PKP1: variants seen among roughly 807,000 people sequenced by gnomAD.
PKP1 encodes plakophilin 1.
A neutral mutation model predicts 76.4 loss-of-function variants in PKP1; 27 were observed. The observed-to-expected ratio is 0.35, with a 90% CI of 0.26 to 0.49. The LOEUF (loss-of-function observed/expected upper bound fraction) is 0.49, where lower values mean the gene tolerates loss of function less well. Among genes scored for constraint, PKP1 ranks in the 20% least tolerant of loss-of-function variants. The probability of loss-of-function intolerance (pLI) is 0.99; values close to 1 mark genes in which losing one functional copy is unlikely to be tolerated. For missense variants in PKP1, 964 were observed against 955.2 expected, an observed-to-expected ratio of 1.01 and a Z score of -0.12; for synonymous variants, 404 against 384.2, an observed-to-expected ratio of 1.05 and a Z score of -0.60.
Position 201,332,437 on chromosome 1 carries a change from G to A in PKP1, c.*2396G>A, listed in dbSNP as rs1446751666. 1 of 152,278 alleles carries A rather than the reference G, an allele frequency of 6.6e-6. No homozygotes were observed. Among genetic ancestry groups the A allele is most frequent in the Non-Finnish European group, 1.5e-5 (1 of 68,076 alleles). The allele number at this position is 152,278 out of a possible 1,614,324, so 9.4% of individuals were successfully genotyped here. On this transcript the variant is annotated 3_prime_UTR_variant, in exon 14 of 14. Coordinates refer to ENST00000367324, the MANE Select transcript of PKP1 (RefSeq NM_001005337.3). ...GACCCAGGCCTGTCACTTTGAGAGG[G>A]GCAAAACTGAGAGGGGCTTTTCCTA...
chr1:201,309,300 T>C (rs1037406929), intron 2 of PKP1, among the ~76,000 whole-genome samples: 2 of 151,672 alleles, frequency 1.3e-5, no homozygotes, highest in Non-Finnish European at 2.9e-5. Context: ...AGAAGGGGAA[T>C]TACACAAGCA....
At position 201,310,754 on chromosome 1, in the gene PKP1, G is replaced by C. The variant is rs530679906; in HGVS notation, c.307-2412G>C. ...ACCAGCACCATGACACTAGGAGCTG[G>C]GGTGGGGTTCCCAGGAATGGGTGAC... On this transcript the variant is annotated intron_variant, in intron 2 of 13. Transcript: ENST00000367324. Among the ~76,000 whole-genome samples, 3 of 152,348 alleles carry C rather than the reference G, an allele frequency of 2.0e-5. No individual in the cohort carries two copies. The East Asian group carries it at 5.8e-4, about 29-fold the overall frequency.
At chr1:201,325,678 G>A in intron 11 of PKP1, 76 bp from the exon 12 acceptor site, 1 of 1,100,912 alleles carries the variant, frequency 9.1e-7, no homozygotes, top group Non-Finnish European at 1.4e-6. Context: ...CTGGCAGTGG[G>A]GGTGGGAGGG....
At chr1:201,295,475 A>T (rs1656045697) in intron 2 of PKP1, among the ~76,000 whole-genome samples, 1 of 152,238 alleles carries the variant, frequency 6.6e-6, no homozygotes, top group African/African-American at 2.4e-5. Flanking sequence ...GGGCTTTTAC[A>T]CAAAGGGTGA....
intron 1 of PKP1, among the ~76,000 whole-genome samples, chr1:201,291,208 T>C (rs917132668): frequency 2.0e-5 from 3 of 151,918 alleles, no homozygotes; most frequent in Non-Finnish European, 4.4e-5. Flanking sequence ...CAGGCAGGTG[T>C]GATGTTACCC....
intron 2 of PKP1, among the ~76,000 whole-genome samples, chr1:201,296,631 G>A (rs887507402): frequency 2.6e-5 from 4 of 152,214 alleles, no homozygotes; most frequent in African/African-American, 9.6e-5. Context: ...CAGTTGAAAA[G>A]AATCTGACTT....
At chr1:201,325,515 A>C (rs1657090733) in intron 11 of PKP1, among the ~76,000 whole-genome samples, 1 of 151,744 alleles carries the variant, frequency 6.6e-6, no homozygotes, top group South Asian at 2.1e-4. Context: ...CTGCCACCTC[A>C]TGGCCCCTGA....
At chr1:201,289,630 G>A (rs1209367900) in intron 1 of PKP1, among the ~76,000 whole-genome samples, 1 of 151,608 alleles carries the variant, frequency 6.6e-6, no homozygotes, top group African/African-American at 2.4e-5. Context: ...AAGATTCCTT[G>A]CTTCAGGGAG....
In PKP1 at chr1:201,318,272, A is replaced by T. The variant is rs887034739; in HGVS notation, c.1055-346A>T. 8.5e-5 allele frequency among the ~76,000 whole-genome samples: 13 copies of T among 152,246 alleles called. 1 individual carries two copies. The highest frequency in any genetic ancestry group is 7.8e-4 in the Admixed American group (12 of 15,288). ...AATGACTGATAAGTATTTCTGGCAT[A>T]ACTTTCAGATGGAAAAGAGACAGCG... On this transcript the variant is annotated intron_variant, in intron 5 of 13. Coordinates refer to ENST00000367324, the MANE Select transcript of PKP1 (RefSeq NM_001005337.3).
In PKP1 at chr1:201,328,824, C is replaced by T. The variant is rs376113980; in HGVS notation, c.2169C>T (p.Thr723=). 4.0e-5 allele frequency: 65 copies of T among 1,613,782 alleles called. No homozygotes were observed. The highest frequency in any genetic ancestry group is 5.4e-5 in the Non-Finnish European group (64 of 1,179,646). The change falls in exon 13 of 14, where the codon ACC becomes ACT. Residue 723 remains threonine, a synonymous_variant. Coordinates refer to ENST00000367324, the MANE Select transcript of PKP1 (RefSeq NM_001005337.3). ...LAGANSLRNF[T]SRF is the part of the protein sequence containing the mutation. ...GGGCCAACAGCCTCAGGAACTTCAC[C>T]TCCCGATTCTAAGAAGAGACTGTCC...
At position 201,313,203 on chromosome 1, in the gene PKP1, G is replaced by A. The variant is rs147062963; in HGVS notation, c.344G>A (p.Arg115Lys). ...ACCCTCAAGCGGGAGCCTGACAACA[G>A]GCGCTTCAGCTCCTACAGCCAGATG... ...NGTLKREPDNRRFSSYSQMEN... is the reference protein window; with the variant it reads ...NGTLKREPDNKRFSSYSQMEN... Residue 115 changes from arginine to lysine, a missense_variant, in exon 3 of 14, where the codon AGG becomes AAG. Physicochemically the swap from Arg to Lys is conservative, Grantham distance 26 (BLOSUM62 2). Transcript: ENST00000367324. 2 of 1,607,178 alleles carry A rather than the reference G, an allele frequency of 1.2e-6. No individual in the cohort carries two copies. Among genetic ancestry groups the A allele is most frequent in the African/African-American group, 2.7e-5 (2 of 74,808 alleles).
intron 1 of PKP1, among the ~76,000 whole-genome samples, chr1:201,290,458 TG>T (rs1655880450): frequency 6.6e-6 from 1 of 152,002 alleles, no homozygotes; most frequent in South Asian, 2.1e-4. Flanking sequence ...AGTGATTCTG[TG>T]GGGTGAGCTG....
intron 4 of PKP1, among the ~76,000 whole-genome samples, chr1:201,317,367 G>A (rs1656783618): frequency 6.6e-6 from 1 of 151,988 alleles, no homozygotes; most frequent in Non-Finnish European, 1.5e-5. Context: ...CTAGGATATG[G>A]GAGCTAGGAT....
intron 2 of PKP1, among the ~76,000 whole-genome samples, chr1:201,309,125 CT>C (rs936094782): frequency 1.5e-4 from 23 of 152,166 alleles, no homozygotes; most frequent in African/African-American, 5.5e-4. Context: ...ATATTCAGTT[CT>C]TTGAGGCCCT....
intron 9 of PKP1, 128 bp downstream of exon 9, chr1:201,323,317 G>A (rs1657006563): frequency 3.5e-6 from 3 of 851,516 alleles, no homozygotes; most frequent in South Asian, 1.4e-5. Flanking sequence ...AGTGTGCCTG[G>A]CATATGCTGG....
intron 3 of PKP1, among the ~76,000 whole-genome samples, chr1:201,315,281 G>A (rs1344850067): frequency 2.0e-5 from 3 of 152,228 alleles, no homozygotes; most frequent in Non-Finnish European, 4.4e-5. Flanking sequence ...TTCTCTCAAT[G>A]CAGGCAGCAG....
intron 2 of PKP1, among the ~76,000 whole-genome samples, chr1:201,297,923 C>T (rs1429897245): frequency 1.3e-5 from 2 of 152,098 alleles, no homozygotes; most frequent in East Asian, 3.9e-4. Context: ...GGCAGGGTTA[C>T]CAGATAAAAT....
chr1:201,329,631 C>T (rs1270571390), intron 13 of PKP1, among the ~76,000 whole-genome samples: 3 of 152,174 alleles, frequency 2.0e-5, no homozygotes, highest in East Asian at 1.9e-4. Flanking sequence ...GACAGGGTCT[C>T]CTGAGCTAAG....
intron 10 of PKP1, 45 bp downstream of exon 10, chr1:201,324,626 G>A (rs373068312): frequency 1.0e-5 from 16 of 1,606,776 alleles, no homozygotes; most frequent in Admixed American, 1.7e-5. Flanking sequence ...GACATGGCAG[G>A]CTCCCTACAA....
Sources: gnomAD v4.1 joint callset for allele counts (sites outside exome capture counted in the v4.1 genomes callset) on GRCh38, gnomAD v4.1.1 for gene constraint, MANE v1.5 for transcripts, NCBI Gene and HGNC (gene_info 2026-07-23, HGNC 2026-07-21) for gene names.